KIAA1217: variants seen among roughly 807,000 people sequenced by gnomAD.
The protein encoded by KIAA1217 is KIAA1217.
A neutral mutation model predicts 163.9 loss-of-function variants in KIAA1217; 88 were observed. The ratio of observed to expected loss-of-function variants is 0.54; its 90% CI spans 0.45 to 0.64. The LOEUF (loss-of-function observed/expected upper bound fraction) is 0.64. Ranked by LOEUF, KIAA1217 falls within the 30% of genes least tolerant of loss-of-function variation. The pLI is 0.00. For missense variants in KIAA1217, 2,372 were observed against 2,475.0 expected, an observed-to-expected ratio of 0.96 and a Z score of 0.88; for synonymous variants, 903 against 923.1, an observed-to-expected ratio of 0.98 and a Z score of 0.39.
At chr10:24,524,276 G>C (rs1415591090) in intron 12 of KIAA1217, 47 bp from the exon 13 acceptor site, 2 of 1,565,308 alleles carry the variant, frequency 1.3e-6, no homozygotes, top group Non-Finnish European at 1.7e-6. Context: ...ATACCACCAT[G>C]AGAAAGTGAC....
intron 2 of KIAA1217, among the ~76,000 whole-genome samples, chr10:24,141,498 G>C (rs1459992294): frequency 1.3e-5 from 2 of 152,136 alleles, no homozygotes; most frequent in African/African-American, 4.8e-5. Flanking sequence ...CAGAGATATT[G>C]CAGAAAAGGA....
intron 1 of KIAA1217, among the ~76,000 whole-genome samples, chr10:23,828,013 G>A (rs962864898): frequency 5.3e-5 from 8 of 152,324 alleles, no homozygotes; most frequent in African/African-American, 1.9e-4. Context: ...ATGTTGTGGA[G>A]AATTGAGCCA....
rs1390965349 is a variant in KIAA1217 at position 24,473,081 on chromosome 10, C to T, written c.847-147C>T. The T allele has an allele frequency of 5.3e-6, 3 of 563,126 alleles. No individual in the cohort carries two copies. The East Asian group carries it at 8.9e-5, about 17-fold the overall frequency. 34.9% of individuals were successfully genotyped at this position (563,126 alleles called of 1,614,324 possible). ...CTCAACTTCACCCCATCTGCAAAGT[C>T]TCTTTTGCCATGTAAGGAAACATAT... On this transcript the variant is annotated intron_variant, in intron 5 of 20. Coordinates refer to ENST00000376454, the MANE Select transcript of KIAA1217 (RefSeq NM_019590.5).
chr10:23,888,524 C>T (rs1412301685), intron 1 of KIAA1217, among the ~76,000 whole-genome samples: 1 of 151,798 alleles, frequency 6.6e-6, no homozygotes, highest in Non-Finnish European at 1.5e-5. Context: ...ATCCTATCAA[C>T]CTTTTTCTTA....
intron 2 of KIAA1217, among the ~76,000 whole-genome samples, chr10:24,201,568 A>C (rs563157506): frequency 4.7e-4 from 71 of 152,226 alleles, no homozygotes; most frequent in African/African-American, 1.6e-3. Context: ...TAAATCCTGG[A>C]GGGCTTCCTC....
At chr10:23,873,727 G>T (rs903536831) in intron 1 of KIAA1217, among the ~76,000 whole-genome samples, 1 of 151,006 alleles carries the variant, frequency 6.6e-6, no homozygotes, top group Non-Finnish European at 1.5e-5. Context: ...TGTCTCACTC[G>T]CCATCTATCT....
At chr10:24,165,262 G>C (rs550951813) in intron 2 of KIAA1217, among the ~76,000 whole-genome samples, 58 of 152,272 alleles carry the variant, frequency 3.8e-4, no homozygotes, top group African/African-American at 1.4e-3. Flanking sequence ...ACTTGTATCT[G>C]TAAGGGTGGA....
At chr10:23,987,615 G>T (rs1468568205) in intron 1 of KIAA1217, among the ~76,000 whole-genome samples, 1 of 74,692 alleles carries the variant, frequency 1.3e-5, no homozygotes. Context: ...GTGTGTGTGT[G>T]TGTGTGTGTA....
At chr10:23,763,813 C>G (rs1034952084) in intron 1 of KIAA1217, among the ~76,000 whole-genome samples, 2 of 152,010 alleles carry the variant, frequency 1.3e-5, no homozygotes, top group Admixed American at 6.6e-5. Flanking sequence ...AAAGGAATAC[C>G]TGAGACTGGG....
At chr10:24,534,615 C>T (rs566743608) in intron 16 of KIAA1217, among the ~76,000 whole-genome samples, 1 of 152,070 alleles carries the variant, frequency 6.6e-6, no homozygotes, top group East Asian at 1.9e-4. Context: ...CATGGTGGCT[C>T]ATGTCTGTAA....
In KIAA1217 at chr10:24,118,178, G is replaced by A. The variant is rs766610648; in HGVS notation, c.-170-101448G>A. Among the ~76,000 whole-genome samples, 289 of 150,776 alleles carry A rather than the reference G, an allele frequency of 1.9e-3. 2 individuals carry two copies. Among genetic ancestry groups the A allele is most frequent in the Non-Finnish European group, 3.8e-4 (26 of 67,764 alleles). The stretch of plus-strand genomic sequence containing the variant: ...AAAAAAAAAAAAAAAAGAAACGAAA[G>A]TCATGGGAAAGAAGACTGAATCTAG... On this transcript the variant is annotated intron_variant, in intron 2 of 18. Coordinates refer to the KIAA1217 transcript ENST00000376462.
At chr10:24,167,566 C>T (rs962122209) in intron 2 of KIAA1217, among the ~76,000 whole-genome samples, 1 of 152,118 alleles carries the variant, frequency 6.6e-6, no homozygotes, top group Non-Finnish European at 1.5e-5. Context: ...CTCAGGCCCT[C>T]TCGCTTCTGA....
At chr10:24,529,138 TG>T (rs1258086909) in intron 14 of KIAA1217, among the ~76,000 whole-genome samples, 1 of 152,216 alleles carries the variant, frequency 6.6e-6, no homozygotes, top group Non-Finnish European at 1.5e-5. Flanking sequence ...ACTTGCATGT[TG>T]AGAAACATTA....
intron 10 of KIAA1217, among the ~76,000 whole-genome samples, chr10:24,519,779 C>T (rs1039228856): frequency 6.6e-6 from 1 of 152,170 alleles, no homozygotes. Context: ...CTCCCTCTCT[C>T]TCCTACCCCA....
intron 2 of KIAA1217, among the ~76,000 whole-genome samples, chr10:24,370,781 G>A (rs1336155362): frequency 3.9e-5 from 6 of 152,060 alleles, no homozygotes; most frequent in South Asian, 2.1e-4. Context: ...GAGATGGGAC[G>A]TTGCCGAGGT....
At chr10:24,144,755 T>G (rs2064231596) in intron 2 of KIAA1217, among the ~76,000 whole-genome samples, 2 of 152,198 alleles carry the variant, frequency 1.3e-5, no homozygotes, top group Non-Finnish European at 2.9e-5. Context: ...TTTCCTATGC[T>G]TCTGCTATTT....
At chr10:23,864,393 T>G (rs1286421629) in intron 1 of KIAA1217, among the ~76,000 whole-genome samples, 1 of 152,030 alleles carries the variant, frequency 6.6e-6, no homozygotes, top group African/African-American at 2.4e-5. Flanking sequence ...TTGATCCCTG[T>G]AAAATTTAGT....
chr10:24,004,016 A>G (rs12218463), intron 1 of KIAA1217, among the ~76,000 whole-genome samples: 42,841 of 151,868 alleles, frequency 0.28, 6,200 homozygotes, highest in East Asian at 0.4. Flanking sequence ...GTCTCACTCT[A>G]TTGCCCAGGC....
chr10:23,993,552 G>GTTTTTTTTTTTTTTTTTTT (rs1564594837), intron 1 of KIAA1217, among the ~76,000 whole-genome samples: 7 of 39,426 alleles, frequency 1.8e-4, no homozygotes, highest in African/African-American at 8.1e-4. Context: ...CCATAGCCCA[G>GTTTTTTTTTTTTTTTTTTT]CTTTTTTTTT....
Sources: allele counts gnomAD v4.1 joint callset (sites outside exome capture counted in the v4.1 genomes callset), GRCh38; gene constraint gnomAD v4.1.1; transcripts MANE v1.5; gene names NCBI Gene and HGNC (gene_info 2026-07-23, HGNC 2026-07-21).